RTTN: variants seen among roughly 807,000 people sequenced by gnomAD.
RTTN encodes rotatin.
A neutral mutation model predicts 269.2 loss-of-function variants in RTTN; 182 were observed. The ratio of observed to expected loss-of-function variants is 0.68; its 90% CI spans 0.60 to 0.76. The LOEUF (loss-of-function observed/expected upper bound fraction) is 0.76. Among genes scored for constraint, RTTN ranks in the 30% least tolerant of loss-of-function variants. RTTN has a pLI of 0.00. For missense variants in RTTN, 2,545 were observed against 2,608.6 expected (o/e 0.98, Z 0.53); for synonymous variants, 1,006 against 963.5 (o/e 1.04, Z -0.82).
chr18:70,063,786 C>T lies in RTTN; in HGVS notation c.4747+2043G>A, dbSNP rs567072562. 3.3e-5 allele frequency among the ~76,000 whole-genome samples: 5 copies of T among 151,696 alleles called. No individual in the cohort carries two copies. The East Asian group carries it at 7.7e-4, about 24-fold the overall frequency. On this transcript the variant is annotated intron_variant, in intron 35 of 48. Coordinates refer to ENST00000640769, the MANE Select transcript of RTTN (RefSeq NM_173630.4). ...GAATATAAATTGATACATATTTTTT[C>T]AATTTTCTTGCTAATTTATTTTGTA... is the stretch of plus-strand genomic sequence containing the variant.
At chr18:70,063,327 A>G (rs554911109) in intron 35 of RTTN, among the ~76,000 whole-genome samples, 1 of 152,352 alleles carries the variant, frequency 6.6e-6, no homozygotes, top group East Asian at 1.9e-4. Flanking sequence ...ATTAATTTGT[A>G]TAATATTTTT....
chr18:70,007,984 T>C (rs12969353), intron 46 of RTTN: 126,587 of 153,468 alleles, frequency 0.82, 56,617 homozygotes, highest in East Asian at 1. Flanking sequence ...CAACAGGTGT[T>C]GACAGACACA....
At chr18:70,128,326 CA>C in intron 24 of RTTN, 31 bp downstream of exon 24, 1 of 1,538,122 alleles carries the variant, frequency 6.5e-7, no homozygotes, top group Non-Finnish European at 8.9e-7. Context: ...TAATTAATTG[CA>C]AATGCTTTTT....
intron 10 of RTTN, among the ~76,000 whole-genome samples, chr18:70,184,611 T>C (rs1237590376): frequency 6.6e-6 from 1 of 151,544 alleles, no homozygotes. Context: ...ATATATGGTA[T>C]TCATGGATCA....
intron 20 of RTTN, 78 bp downstream of exon 20, chr18:70,140,022 A>C (rs2060217038): frequency 4.1e-6 from 4 of 967,630 alleles, no homozygotes; most frequent in Non-Finnish European, 6.5e-6. Context: ...TACTCATCCA[A>C]ATTCTGCTCA....
At chr18:70,005,164 G>A in intron 48 of RTTN, 34 bp downstream of exon 48, 2 of 1,513,782 alleles carry the variant, frequency 1.3e-6, no homozygotes, top group Non-Finnish European at 9.1e-7. Context: ...TAGCTTCTGA[G>A]TTTAACTATA....
At chr18:70,191,872 T>C (rs2061679835) in intron 8 of RTTN, among the ~76,000 whole-genome samples, 1 of 152,172 alleles carries the variant, frequency 6.6e-6, no homozygotes, top group South Asian at 2.1e-4. Flanking sequence ...AGGAAGCTGT[T>C]CACTCAGGAG....
intron 28 of RTTN, among the ~76,000 whole-genome samples, chr18:70,103,095 A>G (rs1599558280): frequency 7.0e-6 from 1 of 143,586 alleles, no homozygotes; most frequent in South Asian, 2.2e-4. Flanking sequence ...CCCGTCTGGG[A>G]TGTGAGGAGC....
intron 32 of RTTN, among the ~76,000 whole-genome samples, chr18:70,083,909 T>TC: frequency 6.6e-6 from 1 of 151,106 alleles, no homozygotes; most frequent in South Asian, 2.1e-4. Context: ...CCCCATCTTT[T>TC]TTTTTTTTTA....
intron 17 of RTTN, among the ~76,000 whole-genome samples, chr18:70,147,190 T>C (rs528221967): frequency 6.6e-6 from 1 of 152,308 alleles, no homozygotes; most frequent in East Asian, 1.9e-4. Flanking sequence ...CTTTAAAACT[T>C]TTGAGTACAG....
At chr18:70,102,080 A>G (rs1220784944) in intron 28 of RTTN, among the ~76,000 whole-genome samples, 1 of 152,198 alleles carries the variant, frequency 6.6e-6, no homozygotes, top group African/African-American at 2.4e-5. Flanking sequence ...AGTTCTGTAG[A>G]TGCCTATTAG....
At chr18:70,123,637 T>G (rs2059793149) in intron 25 of RTTN, among the ~76,000 whole-genome samples, 1 of 152,098 alleles carries the variant, frequency 6.6e-6, no homozygotes, top group Non-Finnish European at 1.5e-5. Flanking sequence ...CCATAGACTT[T>G]TAACATCCTT....
At chr18:70,058,925 T>TA (rs1481026621) in intron 36 of RTTN, among the ~76,000 whole-genome samples, 1 of 152,224 alleles carries the variant, frequency 6.6e-6, no homozygotes. Flanking sequence ...TTATATTTTC[T>TA]AGAGTTTTCT....
At chr18:70,148,757 G>C in intron 17 of RTTN, 144 bp downstream of exon 17, 1 of 911,480 alleles carries the variant, frequency 1.1e-6, no homozygotes, top group South Asian at 1.6e-5. Flanking sequence ...TATCTGCTTA[G>C]TTTCACGCAT....
At chr18:70,019,554 G>A (rs1174045894) in intron 45 of RTTN, 2 of 152,178 alleles carry the variant, frequency 1.3e-5, no homozygotes, top group African/African-American at 4.8e-5. Context: ...CCATGTGCTG[G>A]TAAATAAACA....
chr18:70,052,642 T>TTATATATATA (rs1327265663), intron 38 of RTTN, among the ~76,000 whole-genome samples: 31,439 of 145,646 alleles, frequency 0.22, 4,021 homozygotes, highest in Middle Eastern at 0.31. Context: ...ATTTATTTAC[T>TTATATATATA]TATATATATA....
At chr18:70,139,013 A>T (rs2060192589) in intron 21 of RTTN, 1 of 151,638 alleles carries the variant, frequency 6.6e-6, no homozygotes, top group African/African-American at 2.4e-5. Flanking sequence ...AAAAAAAAAA[A>T]CAGAGAAGAC....
At chr18:70,192,084 A>C (rs554860020) in intron 8 of RTTN, among the ~76,000 whole-genome samples, 4 of 152,312 alleles carry the variant, frequency 2.6e-5, no homozygotes, top group East Asian at 1.9e-4. Flanking sequence ...GATAATAATA[A>C]TACTAATGCT....
At chr18:70,124,108 G>T (rs1020068218) in intron 25 of RTTN, among the ~76,000 whole-genome samples, 1 of 151,918 alleles carries the variant, frequency 6.6e-6, no homozygotes, top group Non-Finnish European at 1.5e-5. Context: ...AGCAGGGTGG[G>T]GGGAATAGAG....
Sources: gnomAD v4.1 joint callset for allele counts (sites outside exome capture counted in the v4.1 genomes callset) on GRCh38, gnomAD v4.1.1 for gene constraint, MANE v1.5 for transcripts, NCBI Gene and HGNC (gene_info 2026-07-23, HGNC 2026-07-21) for gene names.